LRP1: variants seen among roughly 807,000 people sequenced by gnomAD.
LRP1 encodes prolow-density lipoprotein receptor-related protein 1.
A neutral mutation model predicts 541.5 loss-of-function variants in LRP1; 51 were observed. The observed-to-expected ratio is 0.09, with a 90% confidence interval of 0.08 to 0.12. The LOEUF is 0.12. LRP1 is among the 10% of genes least tolerant of loss of function. LRP1 has a pLI of 1.00. For missense variants in LRP1, 3,878 were observed against 6,376.2 expected (o/e 0.61, Z 13.34); for synonymous variants, 2,219 against 2,470.8 (o/e 0.90, Z 3.02).
rs2036521762 is a variant in LRP1, at chr12:57,195,881, C to G, written c.8579C>G (p.Pro2860Arg). 5 of 1,613,808 alleles carry G rather than the reference C, an allele frequency of 3.1e-6. No individual in the cohort carries two copies. Among genetic ancestry groups the G allele is most frequent in the Non-Finnish European group, 4.2e-6 (5 of 1,180,020 alleles). ...SPECEYPTCG[P>R]SEFRCANGRC... ...CCCCCAGAGTACCCGACCTGCGGCCCCAGTGAGTTCCGCTGTGCCAATGGG... is the reference window on the plus strand; with the variant it reads ...CCCCCAGAGTACCCGACCTGCGGCCGCAGTGAGTTCCGCTGTGCCAATGGG... Residue 2860 changes from proline (P) to arginine (R), a missense_variant, in exon 54 of 89, where the codon CCC becomes CGC. Pro to Arg is a moderately radical substitution (Grantham distance 103). Around this residue, in one of 13 missense-constraint regions of LRP1, gnomAD observed 1,100 missense variants for 1,827.4 expected, o/e 0.60. Coordinates refer to ENST00000243077, the MANE Select transcript of LRP1 (RefSeq NM_002332.3).
intron 6 of LRP1, among the ~76,000 whole-genome samples, chr12:57,150,550 G>A (rs1432799883): frequency 6.6e-6 from 1 of 152,158 alleles, no homozygotes; most frequent in Non-Finnish European, 1.5e-5. Context: ...GAGTCTTGAC[G>A]AGTAGTAGGT....
In LRP1 at chr12:57,194,510, G is replaced by A. The variant is rs781225025; in HGVS notation, c.8068+7G>A. 3.7e-6 allele frequency: 6 copies of A among 1,608,486 alleles called. No individual in the cohort carries two copies. The South Asian group carries it at 4.4e-5, about 12-fold the overall frequency. On this transcript the variant is annotated splice_region_variant and intron_variant, in intron 49 of 88. Coordinates refer to ENST00000243077, the MANE Select transcript of LRP1 (RefSeq NM_002332.3). ...GATGAGCGCGACTGCCCAGGTGGGC[G>A]GGGGCAGGTGTGTGGTGGGTGGTGG...
intron 59 of LRP1, 36 bp from the exon 60 acceptor site, chr12:57,198,429 G>T: frequency 6.2e-7 from 1 of 1,608,776 alleles, no homozygotes. Context: ...GATGGGTTAC[G>T]GGATCTCCCA....
intron 2 of LRP1, among the ~76,000 whole-genome samples, chr12:57,139,247 C>T (rs2035237785): frequency 6.6e-6 from 1 of 152,022 alleles, no homozygotes; most frequent in Non-Finnish European, 1.5e-5. Context: ...TCAAAGCGCC[C>T]CTGCATTCCT....
At position 57,192,974 on chromosome 12, in the gene LRP1, A is replaced by C. The variant is rs780917398; in HGVS notation, c.7555+4A>C. On this transcript the variant is annotated splice_donor_region_variant and intron_variant, in intron 45 of 88. Coordinates refer to ENST00000243077, the MANE Select transcript of LRP1 (RefSeq NM_002332.3). Reference sequence around the variant, plus strand: ...CAGGATGACCTCACCTGCCGAGGTGAGAGAGGCGGGGGGGAGGGGCTGGCG... The same window carrying C: ...CAGGATGACCTCACCTGCCGAGGTGCGAGAGGCGGGGGGGAGGGGCTGGCG... 5 of 1,611,374 alleles carry C rather than the reference A, an allele frequency of 3.1e-6. No individual in the cohort carries two copies. The South Asian group carries it at 5.5e-5, about 18-fold the overall frequency.
intron 6 of LRP1, among the ~76,000 whole-genome samples, chr12:57,151,026 GT>G (rs1411078039): frequency 6.7e-6 from 1 of 150,308 alleles, no homozygotes; most frequent in Non-Finnish European, 1.5e-5. Context: ...GTGTAGATGT[GT>G]TGGGTGACAT....
intron 20 of LRP1, among the ~76,000 whole-genome samples, chr12:57,172,040 C>T (rs2035953390): frequency 6.6e-6 from 1 of 151,154 alleles, no homozygotes; most frequent in African/African-American, 2.4e-5. Context: ...CACTCTACTC[C>T]AGCTGTGGCG....
At position 57,200,523 on chromosome 12, in the gene LRP1, C is replaced by G. The variant is rs747687591; in HGVS notation, c.10096C>G (p.Pro3366Ala). The G allele has an allele frequency of 1.2e-6, 2 of 1,613,116 alleles. No individual in the cohort carries two copies. Among genetic ancestry groups the G allele is most frequent in the Non-Finnish European group, 8.5e-7 (1 of 1,179,460 alleles). The change falls in exon 63 of 89, where the codon CCC becomes GCC. Residue 3366 changes from proline (P) to alanine (A), a missense_variant. Physicochemically the swap from Pro to Ala is conservative, Grantham distance 27. This residue lies in a region of LRP1 where 278 missense variants were observed against 536.3 expected (regional missense o/e 0.52). Transcript: ENST00000243077. ...CGACTGCGGGGACCACTCAGACGAG[C>G]CCCCGGACTGCCGTGAGTGCCTGCT... is the stretch of plus-strand genomic sequence containing the variant. ...EDDCGDHSDE[P>A]PDCPEFKCRP...
rs370210175 is a variant in LRP1, at chr12:57,158,398, C to G, written c.1562-4C>G. The G allele has an allele frequency of 1.4e-5, 22 of 1,601,856 alleles. No individual in the cohort carries two copies. The highest frequency in any genetic ancestry group is 1.6e-5 in the Non-Finnish European group (19 of 1,171,706). On this transcript the variant is annotated splice_polypyrimidine_tract_variant and splice_region_variant and intron_variant, in intron 10 of 88. Coordinates refer to ENST00000243077, the MANE Select transcript of LRP1 (RefSeq NM_002332.3). This position sits in a 1 kb window ranked among gnomAD's most constrained non-coding sequence, Gnocchi z 5.3. ...GACTGTACCCTGGCTTGTGCCTGCTCTAGAGCCGGAGCATGAGCTGTTCCT... is the reference window on the plus strand; with the variant it reads ...GACTGTACCCTGGCTTGTGCCTGCTGTAGAGCCGGAGCATGAGCTGTTCCT...
chr12:57,166,918 C>A lies in LRP1; in HGVS notation c.2798-12C>A. The stretch of plus-strand genomic sequence containing the variant: ...AGGACAATGAGTACTCACACCCATC[C>A]CTGCCCCCCAGCCCGCACCTGCCCC... On this transcript the variant is annotated splice_polypyrimidine_tract_variant and intron_variant, in intron 17 of 88. Coordinates refer to ENST00000243077, the MANE Select transcript of LRP1 (RefSeq NM_002332.3). The A allele has an allele frequency of 6.9e-7, 1 of 1,459,478 alleles. No homozygotes were observed. The highest frequency in any genetic ancestry group is 9.6e-7 in the Non-Finnish European group (1 of 1,039,538). The allele number at this position is 1,459,478 out of a possible 1,614,324, so 90.4% of individuals were successfully genotyped here. A position where few individuals can be genotyped will look rare whatever the true frequency, so the allele number is the denominator to read the frequency against.
chr12:57,156,339 GA>G lies in LRP1; in HGVS notation c.1417+57del. On this transcript the variant is annotated intron_variant, in intron 9 of 88. Transcript: ENST00000243077. The surrounding 1 kb of genome is among the most constrained non-coding windows in gnomAD (Gnocchi z 5.2). ...TGGCTTTACCCCATGATGGCTCTGG[GA>G]CCTTGGGATCACAGCCCCTCTCTGG... The G allele has an allele frequency of 6.4e-7, 1 of 1,554,536 alleles. No individual in the cohort carries two copies. The highest frequency in any genetic ancestry group is 8.8e-7 in the Non-Finnish European group (1 of 1,140,588).
intron 41 of LRP1, 23 bp from the exon 42 acceptor site, chr12:57,187,244 T>C (rs1437907472): frequency 1.2e-6 from 2 of 1,600,728 alleles, no homozygotes; most frequent in African/African-American, 2.7e-5. Context: ...TCCTGACAAA[T>C]CGCTGCTCCT....
In LRP1 at chr12:57,173,016, T is replaced by A; in HGVS notation, c.3164-152T>A. 1.6e-6 allele frequency: 1 copy of A among 608,256 alleles called. No homozygotes were observed. Among genetic ancestry groups the A allele is most frequent in the Non-Finnish European group, 2.8e-6 (1 of 351,176 alleles). The allele number at this position is 608,256 out of a possible 1,614,324, so 37.7% of individuals were successfully genotyped here. On this transcript the variant is annotated intron_variant, in intron 20 of 88. Coordinates refer to ENST00000243077, the MANE Select transcript of LRP1 (RefSeq NM_002332.3). This position sits in a 1 kb window ranked among gnomAD's most constrained non-coding sequence, Gnocchi z 4.7. ...CTGACTCTACTACTGAGTTGGTGCTTCCAAGGAGTGTCAGCAAAGCTTGGC... is the reference window on the plus strand; with the variant it reads ...CTGACTCTACTACTGAGTTGGTGCTACCAAGGAGTGTCAGCAAAGCTTGGC...
At chr12:57,167,133 G>A in intron 18 of LRP1, 87 bp downstream of exon 18, 3 of 1,098,264 alleles carry the variant, frequency 2.7e-6, no homozygotes, top group Non-Finnish European at 2.7e-6. Flanking sequence ...GGAGACACCT[G>A]CAACCCAGCA....
intron 61 of LRP1, 129 bp from the exon 62 acceptor site, chr12:57,199,748 T>TC (rs1459340412): frequency 3.5e-6 from 4 of 1,151,458 alleles, no homozygotes; most frequent in Non-Finnish European, 4.9e-6. Context: ...CTCTCCTATC[T>TC]CCAGCTTCAG....
rs773086451 is a variant in LRP1 at position 57,213,264 on chromosome 12, G to A, written c.*709G>A. ...GGGAAAGCGGGCAGCCCCGTTTTGG[G>A]GACGTGAACGTTTTAATAATTTTTG... On this transcript the variant is annotated 3_prime_UTR_variant, in exon 89 of 89. Coordinates refer to ENST00000243077, the MANE Select transcript of LRP1 (RefSeq NM_002332.3). 6.8e-6 allele frequency: 1 copy of A among 146,126 alleles called. No individual in the cohort carries two copies. The highest frequency in any genetic ancestry group is 1.5e-5 in the Non-Finnish European group (1 of 67,394). 9.1% of individuals were successfully genotyped at this position (146,126 alleles called of 1,614,324 possible).
chr12:57,195,137 C>T, intron 51 of LRP1, 36 bp downstream of exon 51: 1 of 1,603,440 alleles, frequency 6.2e-7, no homozygotes, highest in Non-Finnish European at 8.5e-7. Context: ...GGAGGTGCCC[C>T]AGGGAGGGAC....
At chr12:57,203,610 G>A in intron 70 of LRP1, 89 bp downstream of exon 70, 2 of 1,381,286 alleles carry the variant, frequency 1.4e-6, no homozygotes, top group South Asian at 1.5e-5. Context: ...TTTCTCTTCT[G>A]TATTCATTCT....
rs752645924 is a variant in LRP1, at chr12:57,154,456, A to G, written c.1005-23A>G. ...GGAGGGTGCCCAATGTCCAGACCCC[A>G]TTTAACATGCATCTTCCCACAGGAA... On this transcript the variant is annotated intron_variant, in intron 7 of 88. Transcript: ENST00000243077. The surrounding 1 kb of genome is among the most constrained non-coding windows in gnomAD (Gnocchi z 4.6). The G allele has an allele frequency of 1.2e-6, 2 of 1,610,850 alleles. No homozygotes were observed. Among genetic ancestry groups the G allele is most frequent in the Non-Finnish European group, 1.7e-6 (2 of 1,177,210 alleles).
Sources: allele counts gnomAD v4.1 joint callset (sites outside exome capture counted in the v4.1 genomes callset), GRCh38; gene constraint gnomAD v4.1.1; regional missense constraint gnomAD v4.1.1; non-coding constraint Gnocchi (gnomAD v3.1); transcripts MANE v1.5; gene names NCBI Gene and HGNC (gene_info 2026-07-23, HGNC 2026-07-21).